Variants in THSD4 observed in about 807,000 individuals in gnomAD.
THSD4 encodes thrombospondin type 1 domain containing 4.
A neutral mutation model predicts 119.0 loss-of-function variants in THSD4; 69 were observed. The observed-to-expected ratio is 0.58, with a 90% CI of 0.48 to 0.71. The LOEUF is 0.71. THSD4 is among the 30% of genes least tolerant of loss of function. The probability of loss-of-function intolerance (pLI) is 0.00; values close to 1 mark genes in which losing one functional copy is unlikely to be tolerated. For synonymous variants in THSD4, 524 were observed against 540.4 expected, an observed-to-expected ratio of 0.97 and a Z score of 0.42; for missense variants, 1,393 against 1,391.1, an observed-to-expected ratio of 1.00 and a Z score of -0.02.
chr15:71,444,140 A>G (rs2047148560), intron 7 of THSD4, among the ~76,000 whole-genome samples: 1 of 152,204 alleles, frequency 6.6e-6, no homozygotes, highest in Non-Finnish European at 1.5e-5. Flanking sequence ...TGCTTAATAA[A>G]TGCATGATGA....
chr15:71,285,659 G>T (rs796350936), intron 6 of THSD4, among the ~76,000 whole-genome samples: 2 of 152,170 alleles, frequency 1.3e-5, no homozygotes, highest in South Asian at 4.2e-4. Context: ...ATTGAGACCA[G>T]TCTGGCCAAT....
chr15:71,241,665 T>C (rs1300782573), intron 4 of THSD4, among the ~76,000 whole-genome samples: 2 of 152,204 alleles, frequency 1.3e-5, no homozygotes, highest in Non-Finnish European at 2.9e-5. Context: ...ATATCAGCCA[T>C]GATGGAAGTA....
At chr15:71,462,285 A>C (rs957581734) in intron 7 of THSD4, among the ~76,000 whole-genome samples, 1 of 152,066 alleles carries the variant, frequency 6.6e-6, no homozygotes, top group Non-Finnish European at 1.5e-5. Flanking sequence ...TCAGCCTCTC[A>C]AGTAGCTGAG....
At chr15:71,228,934 A>T (rs555539382) in intron 4 of THSD4, among the ~76,000 whole-genome samples, 2 of 152,308 alleles carry the variant, frequency 1.3e-5, no homozygotes, top group African/African-American at 4.8e-5. Context: ...TTCCTCAGTG[A>T]TTGGACCACA....
At chr15:71,729,620 A>G (rs1427869683) in intron 9 of THSD4, 2 of 149,396 alleles carry the variant, frequency 1.3e-5, no homozygotes, top group Admixed American at 6.7e-5. Flanking sequence ...TTTATTTTGG[A>G]TTTTTTTTTT....
At chr15:71,758,944 C>G (rs185494911) in intron 15 of THSD4, among the ~76,000 whole-genome samples, 142 of 152,136 alleles carry the variant, frequency 9.3e-4, no homozygotes, top group Non-Finnish European at 1.7e-3. Context: ...ACCCAGTCAC[C>G]CCACTCCTGG....
At chr15:71,360,871 A>C (rs776199633) in intron 6 of THSD4, among the ~76,000 whole-genome samples, 6 of 152,214 alleles carry the variant, frequency 3.9e-5, no homozygotes, top group Non-Finnish European at 7.3e-5. Context: ...ATGGTTTAAC[A>C]GGGGAGATGG....
At chr15:71,607,618 C>A (rs752740560) in intron 7 of THSD4, among the ~76,000 whole-genome samples, 1 of 152,180 alleles carries the variant, frequency 6.6e-6, no homozygotes, top group East Asian at 1.9e-4. Flanking sequence ...GAGCCTTACC[C>A]AACCCCCAGT....
At chr15:71,286,679 T>A (rs2044722193) in intron 6 of THSD4, among the ~76,000 whole-genome samples, 1 of 152,354 alleles carries the variant, frequency 6.6e-6, no homozygotes, top group Admixed American at 6.5e-5. Context: ...GTAATGGGAT[T>A]GCTGGGTCGA....
At chr15:71,690,795 AG>A (rs2052032227) in intron 8 of THSD4, among the ~76,000 whole-genome samples, 1 of 152,192 alleles carries the variant, frequency 6.6e-6, no homozygotes, top group African/African-American at 2.4e-5. Flanking sequence ...AGATCTTGTG[AG>A]ACTTATTCAC....
intron 7 of THSD4, among the ~76,000 whole-genome samples, chr15:71,584,262 C>CTTTTTTTTTTTTTT (rs71154789): frequency 9.7e-5 from 6 of 61,802 alleles, no homozygotes; most frequent in Admixed American, 2.4e-4. Flanking sequence ...TTTTCACTTT[C>CTTTTTTTTTTTTTT]TTTTTTTTTT....
At chr15:71,394,266 CT>C (rs58372446) in intron 6 of THSD4, among the ~76,000 whole-genome samples, 2,312 of 89,688 alleles carry the variant, frequency 0.026, 24 homozygotes, top group African/African-American at 0.074. Context: ...ACACATTTGT[CT>C]TTTTTTTTTT....
intron 7 of THSD4, among the ~76,000 whole-genome samples, chr15:71,465,644 A>T (rs1271402913): frequency 6.6e-6 from 1 of 152,224 alleles, no homozygotes; most frequent in Non-Finnish European, 1.5e-5. Context: ...AGTTACCTAC[A>T]TATCAAGCAA....
intron 1 of THSD4, among the ~76,000 whole-genome samples, chr15:71,126,924 T>C (rs756136165): frequency 4.0e-4 from 61 of 152,236 alleles, no homozygotes; most frequent in African/African-American, 1.4e-3. Flanking sequence ...CAAATACTTA[T>C]CATTTTTTGT....
At chr15:71,581,588 T>A (rs2049559994) in intron 7 of THSD4, among the ~76,000 whole-genome samples, 1 of 152,018 alleles carries the variant, frequency 6.6e-6, no homozygotes, top group African/African-American at 2.4e-5. Flanking sequence ...AACAAAAAAA[T>A]ATTATTGCCT....
chr15:71,536,117 T>C (rs1197470933), intron 7 of THSD4, among the ~76,000 whole-genome samples: 1 of 152,206 alleles, frequency 6.6e-6, no homozygotes, highest in Non-Finnish European at 1.5e-5. Flanking sequence ...ATTAACAAAT[T>C]TGGTGGCATC....
intron 3 of THSD4, chr15:71,165,533 T>C: frequency 4.0e-6 from 3 of 747,888 alleles, no homozygotes; most frequent in Admixed American, 2.4e-5. Flanking sequence ...ATTTTTGTAA[T>C]TTTATGGATT....
At chr15:71,705,445 C>G (rs1567110622) in intron 8 of THSD4, among the ~76,000 whole-genome samples, 3 of 152,180 alleles carry the variant, frequency 2.0e-5, no homozygotes, top group Non-Finnish European at 4.4e-5. Context: ...GGAAGTGTCT[C>G]CTCTAACCCC....
At position 71,748,441 on chromosome 15, in the gene THSD4, G is replaced by A. The variant is rs755242295; in HGVS notation, c.2262G>A (p.Val754=). The A allele has an allele frequency of 2.5e-6, 4 of 1,614,190 alleles. No individual in the cohort carries two copies. The highest frequency in any genetic ancestry group is 2.5e-6 in the Non-Finnish European group (3 of 1,180,032). Residue 754 remains valine (V), a synonymous_variant, in exon 14 of 18, where the codon GTG becomes GTA. Coordinates refer to ENST00000261862, the MANE Select transcript of THSD4 (RefSeq NM_024817.3). ...DWTSCSVPCG[V]GQRTRDVKCV... ...TTCAGTGCTCGGTGCCCTGCGGCGT[G>A]GGACAGAGGACCCGTGATGTGAAGT...
Sources: allele counts gnomAD v4.1 joint callset (sites outside exome capture counted in the v4.1 genomes callset), GRCh38; gene constraint gnomAD v4.1.1; transcripts MANE v1.5; gene names NCBI Gene and HGNC (gene_info 2026-07-23, HGNC 2026-07-21).